TMSB15B: variants seen among roughly 807,000 people sequenced by gnomAD.
TMSB15B encodes the protein thymosin beta-15B.
At chrX:103,929,503 AC>A (rs1372487361) in intron 1 of TMSB15B, among the ~76,000 whole-genome samples, 1 of 110,959 alleles carries the variant, frequency 9.0e-6, no homozygotes, top group Non-Finnish European at 1.9e-5. Context: ...CACTGCCTCT[AC>A]CACCACCTCT....
chrX:103,950,515 A>G (rs2075036497), intron 1 of TMSB15B, among the ~76,000 whole-genome samples: 1 of 110,741 alleles, frequency 9.0e-6, no homozygotes, highest in Non-Finnish European at 1.9e-5. Flanking sequence ...TATATTGTGT[A>G]TAGAAACATA....
At chrX:103,922,318 A>C in intron 1 of TMSB15B, among the ~76,000 whole-genome samples, 1 of 106,047 alleles carries the variant, frequency 9.4e-6, no homozygotes. Flanking sequence ...TTAACTCGTC[A>C]TTTACATTAG....
At chrX:103,941,187 TG>T (rs2075011769) in intron 1 of TMSB15B, among the ~76,000 whole-genome samples, 1 of 112,257 alleles carries the variant, frequency 8.9e-6, no homozygotes, top group Admixed American at 9.4e-5. Context: ...CGCATTCCTT[TG>T]TTATAGCTCA....
At chrX:103,919,937 T>A (rs1357869423) in intron 1 of TMSB15B, among the ~76,000 whole-genome samples, 2 of 111,144 alleles carry the variant, frequency 1.8e-5, no homozygotes, top group African/African-American at 6.6e-5. Flanking sequence ...TCAACAGCAG[T>A]CTCAATGTGA....
intron 1 of TMSB15B, among the ~76,000 whole-genome samples, chrX:103,927,288 C>A (rs782344964): frequency 2.7e-5 from 3 of 112,109 alleles, no homozygotes; most frequent in African/African-American, 9.7e-5. Flanking sequence ...TCAGCCGAAG[C>A]CAGGAAGCCT....
At chrX:103,935,002 G>C (rs1452325561) in intron 1 of TMSB15B, among the ~76,000 whole-genome samples, 2 of 112,269 alleles carry the variant, frequency 1.8e-5, no homozygotes, top group African/African-American at 6.5e-5. Flanking sequence ...TCCAGCATCT[G>C]TTGTTTCTTG....
At chrX:103,928,196 G>C (rs2074974442) in intron 1 of TMSB15B, 14 of 1,186,338 alleles carry the variant, frequency 1.2e-5, no homozygotes, top group Admixed American at 2.2e-5. Context: ...CTATGCCCTT[G>C]GGGCTGTTTC....
In TMSB15B at chrX:103,923,297, C is replaced by T. The variant is rs367659484; in HGVS notation, c.-721+4005C>T. On this transcript the variant is annotated intron_variant, in intron 1 of 3. Transcript: ENST00000419165. ...TTGCCCATGCCTATGTCCTGAATGGCATTGCCTAGGTTTTCTTCTAGGGTT... is the reference window on the plus strand; with the variant it reads ...TTGCCCATGCCTATGTCCTGAATGGTATTGCCTAGGTTTTCTTCTAGGGTT... Among the ~76,000 whole-genome samples, 4 of 111,698 alleles carry T rather than the reference C, an allele frequency of 3.6e-5. No homozygotes were observed. In the South Asian group the frequency reaches 1.5e-3, roughly 42 times the overall value.
chrX:103,951,793 G>A (rs1440295630), intron 1 of TMSB15B, among the ~76,000 whole-genome samples: 7 of 111,592 alleles, frequency 6.3e-5, no homozygotes, highest in Non-Finnish European at 1.3e-4. Flanking sequence ...AAGGGAAGAA[G>A]AGATAGTAAA....
chrX:103,936,998 C>T (rs1454516124), intron 1 of TMSB15B, among the ~76,000 whole-genome samples: 5 of 112,119 alleles, frequency 4.5e-5, no homozygotes, highest in African/African-American at 1.6e-4. Flanking sequence ...TTGAACCAGC[C>T]TTGCATCCCA....
chrX:103,950,970 C>A (rs1556328192), intron 1 of TMSB15B, among the ~76,000 whole-genome samples: 2 of 111,248 alleles, frequency 1.8e-5, no homozygotes, highest in Non-Finnish European at 3.8e-5. Flanking sequence ...ATTGCTATAA[C>A]AAAATACCAC....
chrX:103,923,754 C>T (rs1347253746), intron 1 of TMSB15B, among the ~76,000 whole-genome samples: 2 of 111,404 alleles, frequency 1.8e-5, no homozygotes, highest in East Asian at 5.6e-4. Context: ...TCATTGGTAG[C>T]TTGATGGGGA....
chrX:103,921,278 G>T (rs2074951965), intron 1 of TMSB15B, among the ~76,000 whole-genome samples: 1 of 111,989 alleles, frequency 8.9e-6, no homozygotes, highest in South Asian at 3.8e-4. Context: ...ACACTTAGGG[G>T]TGATGGTGGC....
intron 1 of TMSB15B, among the ~76,000 whole-genome samples, chrX:103,944,324 C>T (rs1260240806): frequency 8.9e-6 from 1 of 112,038 alleles, no homozygotes; most frequent in Non-Finnish European, 1.9e-5. Flanking sequence ...ATCAAACAAT[C>T]CTATGAGATA....
intron 1 of TMSB15B, among the ~76,000 whole-genome samples, chrX:103,953,996 C>G (rs1218514797): frequency 4.5e-5 from 5 of 111,828 alleles, no homozygotes; most frequent in African/African-American, 1.6e-4. Context: ...TGTCACCACA[C>G]AGGAAACCCC....
chrX:103,953,410 C>T (rs1556328648), intron 1 of TMSB15B, among the ~76,000 whole-genome samples: 1 of 112,589 alleles, frequency 8.9e-6, no homozygotes, highest in Admixed American at 9.4e-5. Context: ...AGGAAAGAGA[C>T]TGAATCCAGT....
intron 1 of TMSB15B, among the ~76,000 whole-genome samples, chrX:103,946,842 C>CA (rs2075026955): frequency 9.0e-6 from 1 of 110,854 alleles, no homozygotes; most frequent in South Asian, 3.8e-4. Flanking sequence ...AAACAAAATC[C>CA]AAAAACACAA....
At chrX:103,947,369 G>A (rs1472434931) in intron 1 of TMSB15B, among the ~76,000 whole-genome samples, 1 of 111,435 alleles carries the variant, frequency 9.0e-6, no homozygotes, top group Non-Finnish European at 1.9e-5. Context: ...TGACTGGAAA[G>A]GAGCACAAAA....
At chrX:103,945,030 G>A (rs782033304) in intron 1 of TMSB15B, among the ~76,000 whole-genome samples, 13 of 112,323 alleles carry the variant, frequency 1.2e-4, no homozygotes, top group South Asian at 3.7e-4. Flanking sequence ...CACCAGCCTC[G>A]GCCTCCCAGA....
Sources: gnomAD v4.1 joint callset for allele counts (sites outside exome capture counted in the v4.1 genomes callset) on GRCh38, gnomAD v4.1.1 for gene constraint, MANE v1.5 for transcripts, NCBI Gene and HGNC (gene_info 2026-07-23, HGNC 2026-07-21) for gene names.